Variants in ZNF439 observed in about 807,000 individuals in gnomAD.
ZNF439 encodes zinc finger protein 439.
In ZNF439, 40 loss-of-function variants were observed where a neutral mutation model predicts 47.3. The observed-to-expected ratio is 0.85, with a 90% confidence interval of 0.66 to 1.10. The LOEUF (loss-of-function observed/expected upper bound fraction) is 1.10, where lower values mean the gene tolerates loss of function less well. Ranked by LOEUF, ZNF439 falls within the 50% of genes least tolerant of loss-of-function variation. ZNF439 has a pLI of 0.00. For missense variants in ZNF439, 556 were observed against 601.1 expected (o/e 0.93, Z 0.78); for synonymous variants, 171 against 198.8 (o/e 0.86, Z 1.18).
In ZNF439 at chr19:11,867,949, G is replaced by A. The variant is rs772043929; in HGVS notation, c.895G>A (p.Gly299Arg). 1.2e-6 allele frequency: 2 copies of A among 1,614,078 alleles called. No individual in the cohort carries two copies. The highest frequency in any genetic ancestry group is 2.2e-5 in the East Asian group (1 of 44,862). Residue 299 changes from glycine to arginine, a missense_variant, in exon 4 of 4, where the codon GGA becomes AGA. Gly to Arg is a moderately radical substitution (Grantham distance 125). Transcript: ENST00000682736. ...TCACAGACATGAAAGGAGTCACATG[G>A]GAGAGAAGGCTTATCAATGTAAGGA... ...SCHRHERSHM[G>R]EKAYQCKECG...
Position 11,868,961 on chromosome 19 carries a change from C to A in ZNF439, c.*392C>A. On this transcript the variant is annotated 3_prime_UTR_variant, in exon 4 of 4. Transcript: ENST00000682736. ...CAAGATCGTTTGAATACATGCAAAA[C>A]ACACACTGGAGAGAAACCTATGAAT... 3.3e-6 allele frequency: 1 copy of A among 303,232 alleles called. No individual in the cohort carries two copies. Among genetic ancestry groups the A allele is most frequent in the Non-Finnish European group, 6.7e-6 (1 of 149,916 alleles). 18.8% of individuals were successfully genotyped at this position (303,232 alleles called of 1,614,324 possible). A position where few individuals can be genotyped will look rare whatever the true frequency, so the allele number is the denominator to read the frequency against.
intron 1 of ZNF439, among the ~76,000 whole-genome samples, chr19:11,863,715 G>T (rs985783107): frequency 2.6e-5 from 4 of 152,172 alleles, no homozygotes; most frequent in Non-Finnish European, 5.9e-5. Flanking sequence ...ATCCAAGGTT[G>T]TCTTGGTTTT....
rs979821638 is a variant in ZNF439, at chr19:11,869,317, T to C, written c.*748T>C. On this transcript the variant is annotated 3_prime_UTR_variant, in exon 4 of 4. Coordinates refer to ENST00000682736, the MANE Select transcript of ZNF439 (RefSeq NM_001348719.2). ...GCACTCACACTTGGCAGAAACTCTA[T>C]GAATGTAAGCAGTATGGGAAAGCCT... 5.7e-6 allele frequency: 1 copy of C among 176,156 alleles called. No individual in the cohort carries two copies. Among genetic ancestry groups the C allele is most frequent in the African/African-American group, 2.4e-5 (1 of 41,686 alleles). 10.9% of individuals were successfully genotyped at this position (176,156 alleles called of 1,614,324 possible).
chr19:11,859,394 T>A (rs1375388936), intron 1 of ZNF439, among the ~76,000 whole-genome samples: 1 of 152,204 alleles, frequency 6.6e-6, no homozygotes, highest in Admixed American at 6.5e-5. Flanking sequence ...TGTCTCTATG[T>A]CCAGTAGCAT....
Position 11,866,296 on chromosome 19 carries a change from T to C in ZNF439, c.155T>C (p.Val52Ala). The C allele has an allele frequency of 6.2e-7, 1 of 1,614,088 alleles. No individual in the cohort carries two copies. The highest frequency in any genetic ancestry group is 1.3e-5 in the African/African-American group (1 of 75,024). The change falls in exon 2 of 4, where the codon GTG becomes GCG. Residue 52 changes from valine (V) to alanine (A), a missense_variant. Physicochemically the swap from Val to Ala is moderately conservative, Grantham distance 64 (BLOSUM62 0). Transcript: ENST00000682736. Reference protein sequence around the residue: ...DISQKNLYREVMLETFWNLTS... With the variant: ...DISQKNLYREAMLETFWNLTS... Reference sequence around the variant, plus strand: ...TCCCAGAAGAATCTCTACAGGGAAGTGATGCTGGAAACTTTCTGGAACCTG... The same window carrying C: ...TCCCAGAAGAATCTCTACAGGGAAGCGATGCTGGAAACTTTCTGGAACCTG...
In ZNF439 at chr19:11,868,682, G is replaced by A; in HGVS notation, c.*113G>A. 1.7e-6 allele frequency: 2 copies of A among 1,184,944 alleles called. No homozygotes were observed. Among genetic ancestry groups the A allele is most frequent in the Non-Finnish European group, 2.4e-6 (2 of 823,078 alleles). The allele number at this position is 1,184,944 out of a possible 1,614,324, so 73.4% of individuals were successfully genotyped here. ...CAAGCAATGTGGTAAAGCCTTAATT[G>A]TTCCAGTTCCTTTCGATATCTAAAA... On this transcript the variant is annotated 3_prime_UTR_variant, in exon 4 of 4. Coordinates refer to ENST00000682736, the MANE Select transcript of ZNF439 (RefSeq NM_001348719.2).
intron 1 of ZNF439, 191 bp downstream of exon 1, chr19:11,849,121 C>T: frequency 7.8e-6 from 9 of 1,156,034 alleles, no homozygotes; most frequent in Non-Finnish European, 8.6e-6. Context: ...CCCGTCCCTG[C>T]CCGTCGACTG....
chr19:11,859,979 C>T (rs749150748), intron 1 of ZNF439, among the ~76,000 whole-genome samples: 16 of 152,096 alleles, frequency 1.1e-4, no homozygotes, highest in Non-Finnish European at 2.1e-4. Context: ...GTGGAGAAAA[C>T]AGAAGGATCA....
chr19:11,848,904 C>G lies in ZNF439; in HGVS notation c.37C>G (p.Pro13Ala). The change falls in exon 1 of 4, where the codon CCC becomes GCC. Residue 13 changes from proline to alanine, a missense_variant. Pro to Ala is a conservative substitution (Grantham distance 27, BLOSUM62 -1). Coordinates refer to ENST00000682736, the MANE Select transcript of ZNF439 (RefSeq NM_001348719.2). ...TACTCACAGGAGCTGTAGAGAGGAC[C>G]CCGGTACATCTGAAAGCCGGGAAAT... is the stretch of plus-strand genomic sequence containing the variant. Reference protein sequence around the residue: ...CFTHRSCREDPGTSESREMDP... With the variant: ...CFTHRSCREDAGTSESREMDP... 2 of 1,574,736 alleles carry G rather than the reference C, an allele frequency of 1.3e-6. No homozygotes were observed. Among genetic ancestry groups the G allele is most frequent in the African/African-American group, 1.4e-5 (1 of 73,820 alleles).
intron 1 of ZNF439, among the ~76,000 whole-genome samples, chr19:11,852,429 G>T (rs1599310351): frequency 6.6e-6 from 1 of 152,228 alleles, no homozygotes; most frequent in African/African-American, 2.4e-5. Flanking sequence ...TGTGTGTCAT[G>T]TGACTCAACC....
At chr19:11,861,108 C>T (rs1976528554) in intron 1 of ZNF439, among the ~76,000 whole-genome samples, 3 of 152,158 alleles carry the variant, frequency 2.0e-5, no homozygotes, top group South Asian at 4.1e-4. Context: ...GATGCAGGGC[C>T]TCAAATCCTC....
intron 1 of ZNF439, among the ~76,000 whole-genome samples, chr19:11,852,067 A>G (rs896815800): frequency 1.3e-5 from 2 of 152,138 alleles, no homozygotes; most frequent in South Asian, 2.1e-4. Flanking sequence ...ACTGAAGACA[A>G]TGTGATAGCC....
intron 1 of ZNF439, among the ~76,000 whole-genome samples, chr19:11,859,232 T>TA (rs1276753836): frequency 1.3e-5 from 2 of 152,200 alleles, no homozygotes; most frequent in African/African-American, 4.8e-5. Context: ...GCGTGATATG[T>TA]AAAAAGGATT....
chr19:11,849,290 T>C (rs1450826946), intron 1 of ZNF439: 1 of 1,006,218 alleles, frequency 9.9e-7, no homozygotes, highest in East Asian at 1.1e-4. Flanking sequence ...GCCTCCACTT[T>C]CTCCTGTTAA....
chr19:11,866,009 C>A, intron 1 of ZNF439, 196 bp from the exon 2 acceptor site: 1 of 1,404,350 alleles, frequency 7.1e-7, no homozygotes, highest in Non-Finnish European at 9.2e-7. Context: ...GAGTGAAATT[C>A]TGTCTCAAAA....
intron 1 of ZNF439, chr19:11,851,177 C>T (rs1429889047): frequency 2.0e-5 from 3 of 152,184 alleles, no homozygotes; most frequent in Non-Finnish European, 4.4e-5. Flanking sequence ...CATCCTCATA[C>T]AGCAAGAGGA....
chr19:11,861,509 C>G (rs1340288558), intron 1 of ZNF439, among the ~76,000 whole-genome samples: 1 of 152,180 alleles, frequency 6.6e-6, no homozygotes, highest in Non-Finnish European at 1.5e-5. Context: ...CTGGTATACG[C>G]TTCATCTAGA....
At chr19:11,856,524 T>A (rs1976390860) in intron 1 of ZNF439, 2 of 152,232 alleles carry the variant, frequency 1.3e-5, no homozygotes, top group South Asian at 2.1e-4. Flanking sequence ...TGAGATTAAG[T>A]GTCTATAGTT....
intron 1 of ZNF439, among the ~76,000 whole-genome samples, chr19:11,862,439 C>G (rs1354484758): frequency 6.6e-6 from 1 of 151,478 alleles, no homozygotes; most frequent in East Asian, 1.9e-4. Context: ...TTAAGACTCA[C>G]CTTGTTTGAT....
Sources: allele counts gnomAD v4.1 joint callset (sites outside exome capture counted in the v4.1 genomes callset), GRCh38; gene constraint gnomAD v4.1.1; transcripts MANE v1.5; gene names NCBI Gene and HGNC (gene_info 2026-07-23, HGNC 2026-07-21).